NTNG1: variants seen among roughly 807,000 people sequenced by gnomAD.
NTNG1 encodes netrin-G1.
Under a neutral mutation model 54.0 loss-of-function variants are expected in NTNG1, and 16 were observed. The observed-to-expected ratio is 0.30, with a 90% CI of 0.20 to 0.45. NTNG1 has a LOEUF of 0.45. Ranked by LOEUF, NTNG1 falls within the 20% of genes least tolerant of loss-of-function variation. The pLI is 1.00. For synonymous variants in NTNG1, 255 were observed against 263.1 expected, an observed-to-expected ratio of 0.97 and a Z score of 0.30; for missense variants, 530 against 678.7, an observed-to-expected ratio of 0.78 and a Z score of 2.43.
At chr1:107,428,287 C>G (rs558680592) in intron 5 of NTNG1, among the ~76,000 whole-genome samples, 1 of 152,186 alleles carries the variant, frequency 6.6e-6, no homozygotes, top group Non-Finnish European at 1.5e-5. Context: ...GACATTTTTT[C>G]TAATTCTCCT....
rs1308459447 is a variant in NTNG1, at chr1:107,484,231, C to A, written c.*3391C>A. 6.6e-6 allele frequency among the ~76,000 whole-genome samples: 1 copy of A among 152,082 alleles called. No homozygotes were observed. The highest frequency in any genetic ancestry group is 1.5e-5 in the Non-Finnish European group (1 of 68,032). Reference sequence around the variant, plus strand: ...CACACAAGCAAGGAGAAGCCACTTGCCATGAAAACAAGAGTCCAGGGCTGA... The same window carrying A: ...CACACAAGCAAGGAGAAGCCACTTGACATGAAAACAAGAGTCCAGGGCTGA... On this transcript the variant is annotated 3_prime_UTR_variant, in exon 8 of 8. Transcript: ENST00000370068.
At chr1:107,361,391 A>ATATATATATTT (rs370815306) in intron 3 of NTNG1, among the ~76,000 whole-genome samples, 12 of 87,998 alleles carry the variant, frequency 1.4e-4, no homozygotes, top group Admixed American at 5.7e-4. Flanking sequence ...ATATATATAT[A>ATATATATATTT]TTTTTTTTTT....
intron 5 of NTNG1, among the ~76,000 whole-genome samples, chr1:107,411,537 A>G (rs580259): frequency 0.95 from 145,083 of 152,240 alleles, 69,517 homozygotes; most frequent in East Asian, 1. Flanking sequence ...CCCACCCAAG[A>G]GTTATTAATA....
At chr1:107,305,794 T>G (rs578226679) in intron 2 of NTNG1, among the ~76,000 whole-genome samples, 2 of 152,342 alleles carry the variant, frequency 1.3e-5, no homozygotes, top group South Asian at 4.1e-4. Context: ...CTTTTGGTGT[T>G]TAGGTCATGA....
At chr1:107,326,611 A>G (rs1252146270) in intron 3 of NTNG1, among the ~76,000 whole-genome samples, 1 of 152,136 alleles carries the variant, frequency 6.6e-6, no homozygotes, top group African/African-American at 2.4e-5. Context: ...AAATTAACAA[A>G]CTAAGATGTG....
intron 2 of NTNG1, among the ~76,000 whole-genome samples, chr1:107,243,215 G>A (rs2101587306): frequency 6.6e-6 from 1 of 152,272 alleles, no homozygotes; most frequent in Non-Finnish European, 1.5e-5. Context: ...AACATCAGTG[G>A]TTGAATTGAA....
chr1:107,479,480 A>AT (rs11396820), intron 7 of NTNG1, among the ~76,000 whole-genome samples: 33,103 of 152,106 alleles, frequency 0.22, 4,251 homozygotes, highest in African/African-American at 0.34. Context: ...TCACCATGAC[A>AT]TTTTTAAAAA....
intron 3 of NTNG1, among the ~76,000 whole-genome samples, chr1:107,390,054 C>T (rs1409013003): frequency 6.6e-6 from 1 of 152,048 alleles, no homozygotes; most frequent in African/African-American, 2.4e-5. Flanking sequence ...CTGGCAAGGG[C>T]TCTAAATCAC....
chr1:107,207,961 G>A (rs977453524), intron 2 of NTNG1, among the ~76,000 whole-genome samples: 2 of 152,084 alleles, frequency 1.3e-5, no homozygotes, highest in African/African-American at 2.4e-5. Flanking sequence ...CCAGTGACTC[G>A]CTACCAGGGA....
chr1:107,248,900 G>T (rs1316102296), intron 2 of NTNG1, among the ~76,000 whole-genome samples: 1 of 151,240 alleles, frequency 6.6e-6, no homozygotes, highest in Non-Finnish European at 1.5e-5. Flanking sequence ...TATAATCCCA[G>T]AACTTTTGGA....
At chr1:107,191,792 T>C (rs1490776887) in intron 2 of NTNG1, among the ~76,000 whole-genome samples, 1 of 151,342 alleles carries the variant, frequency 6.6e-6, no homozygotes, top group African/African-American at 2.5e-5. Context: ...TCTATATCTC[T>C]GTTTTGGTAC....
chr1:107,390,586 G>A (rs1445891011), intron 3 of NTNG1, among the ~76,000 whole-genome samples: 2 of 152,130 alleles, frequency 1.3e-5, no homozygotes, highest in African/African-American at 4.8e-5. Context: ...AGGGCATGTG[G>A]CAGTTTTCAA....
chr1:107,443,534 A>G (rs959438118), intron 7 of NTNG1, among the ~76,000 whole-genome samples: 1 of 152,066 alleles, frequency 6.6e-6, no homozygotes, highest in Non-Finnish European at 1.5e-5. Flanking sequence ...TCTTGCGCCT[A>G]ACTTGTAATT....
At chr1:107,413,874 T>C (rs1674012543) in intron 5 of NTNG1, among the ~76,000 whole-genome samples, 1 of 152,146 alleles carries the variant, frequency 6.6e-6, no homozygotes, top group Non-Finnish European at 1.5e-5. Context: ...ATTGACCTTC[T>C]CATTTATATA....
intron 2 of NTNG1, among the ~76,000 whole-genome samples, chr1:107,273,739 T>G (rs3123374): frequency 0.016 from 2,381 of 152,290 alleles, 54 homozygotes; most frequent in African/African-American, 0.055. Context: ...ACCTGTTAAT[T>G]CATGGGCCTC....
chr1:107,451,760 C>T (rs1676641395), intron 7 of NTNG1, among the ~76,000 whole-genome samples: 1 of 152,126 alleles, frequency 6.6e-6, no homozygotes, highest in African/African-American at 2.4e-5. Flanking sequence ...CATTTATTGA[C>T]TGTTTGAATC....
At chr1:107,209,846 G>A (rs1444807936) in intron 2 of NTNG1, among the ~76,000 whole-genome samples, 6 of 152,018 alleles carry the variant, frequency 3.9e-5, no homozygotes, top group African/African-American at 1.4e-4. Context: ...ATCAGGCCAT[G>A]CCTGAAGTCA....
chr1:107,280,626 A>G (rs1664788469), intron 2 of NTNG1, among the ~76,000 whole-genome samples: 1 of 141,770 alleles, frequency 7.1e-6, no homozygotes, highest in Non-Finnish European at 1.5e-5. Context: ...TTTGGCCACT[A>G]TATAAACACA....
chr1:107,207,361 A>C (rs1364674307), intron 2 of NTNG1, among the ~76,000 whole-genome samples: 6 of 152,218 alleles, frequency 3.9e-5, no homozygotes, highest in Non-Finnish European at 7.3e-5. Flanking sequence ...CAGTAGGTAC[A>C]CACACTGAAA....
Sources: gnomAD v4.1 joint callset for allele counts (sites outside exome capture counted in the v4.1 genomes callset) on GRCh38, gnomAD v4.1.1 for gene constraint, MANE v1.5 for transcripts, NCBI Gene and HGNC (gene_info 2026-07-23, HGNC 2026-07-21) for gene names.